SNX27: variants seen among roughly 807,000 people sequenced by gnomAD.
SNX27 encodes sorting nexin 27, also known as sorting nexin-27.
In SNX27, 22 loss-of-function variants were observed where a neutral mutation model predicts 71.6. The observed-to-expected ratio is 0.31, with a 90% CI of 0.22 to 0.44. The LOEUF (loss-of-function observed/expected upper bound fraction) is 0.44, where lower values mean the gene tolerates loss of function less well. Among genes scored for constraint, SNX27 ranks in the 20% least tolerant of loss-of-function variants. The pLI is 1.00. For synonymous variants in SNX27, 269 were observed against 277.2 expected, an observed-to-expected ratio of 0.97 and a Z score of 0.29; for missense variants, 531 against 698.6, an observed-to-expected ratio of 0.76 and a Z score of 2.70.
At chr1:151,687,933 C>A (rs951552681) in intron 8 of SNX27, among the ~76,000 whole-genome samples, 1 of 128,902 alleles carries the variant, frequency 7.8e-6, no homozygotes, top group Non-Finnish European at 1.5e-5. Context: ...GGCGACAGAG[C>A]GGAGTCTGTC....
At chr1:151,661,551 A>AT (rs1669965953) in intron 4 of SNX27, 1 of 152,308 alleles carries the variant, frequency 6.6e-6, no homozygotes, top group Non-Finnish European at 1.5e-5. Context: ...AAGGTCAAAA[A>AT]TTACAAGGTT....
At chr1:151,648,805 C>G (rs1669188969) in intron 2 of SNX27, among the ~76,000 whole-genome samples, 1 of 152,058 alleles carries the variant, frequency 6.6e-6, no homozygotes, top group East Asian at 1.9e-4. Flanking sequence ...GAAGAACTTG[C>G]ATTAATATTT....
rs1056614968 is a variant in SNX27 at position 151,698,964 on chromosome 1, C to T, written c.*4547C>T. 6.6e-6 allele frequency: 1 copy of T among 152,644 alleles called. No homozygotes were observed. Among genetic ancestry groups the T allele is most frequent in the Non-Finnish European group, 1.5e-5 (1 of 68,030 alleles). 9.5% of individuals were successfully genotyped at this position (152,644 alleles called of 1,614,324 possible). A position where few individuals can be genotyped will look rare whatever the true frequency, so the allele number is the denominator to read the frequency against. On this transcript the variant is annotated 3_prime_UTR_variant, in exon 12 of 12. Transcript: ENST00000458013. The stretch of plus-strand genomic sequence containing the variant: ...AATACACAGACACAATAATGGCTAA[C>T]ATTGTTTCTTTCATTCCTTGTTCTA...
intron 1 of SNX27, among the ~76,000 whole-genome samples, chr1:151,633,583 C>CA (rs1668342048): frequency 6.6e-6 from 1 of 152,098 alleles, no homozygotes; most frequent in South Asian, 2.1e-4. Context: ...ACAGGCGTGA[C>CA]ACGTAAGAAA....
chr1:151,665,189 T>C (rs1670138994), intron 5 of SNX27, among the ~76,000 whole-genome samples: 1 of 152,214 alleles, frequency 6.6e-6, no homozygotes, highest in Non-Finnish European at 1.5e-5. Context: ...TACCAGTTTA[T>C]GTTTTGTTGT....
chr1:151,634,958 CT>C (rs1364688643), intron 1 of SNX27, among the ~76,000 whole-genome samples: 2 of 152,170 alleles, frequency 1.3e-5, no homozygotes, highest in African/African-American at 4.8e-5. Context: ...GCAGTCAGTA[CT>C]TTTGTGTGAT....
At chr1:151,672,529 C>G (rs1046809157) in intron 7 of SNX27, among the ~76,000 whole-genome samples, 2 of 151,910 alleles carry the variant, frequency 1.3e-5, no homozygotes, top group Non-Finnish European at 1.5e-5. Context: ...GAAGTATTCC[C>G]TCCTCCTCTC....
At chr1:151,662,815 A>C (rs1359591067) in intron 5 of SNX27, 1 of 152,166 alleles carries the variant, frequency 6.6e-6, no homozygotes, top group Non-Finnish European at 1.5e-5. Flanking sequence ...AAAAAACCAT[A>C]ACACACATGA....
chr1:151,627,170 A>G (rs1206612963), intron 1 of SNX27, among the ~76,000 whole-genome samples: 1 of 152,184 alleles, frequency 6.6e-6, no homozygotes, highest in East Asian at 1.9e-4. Context: ...CTGATTCTTC[A>G]TCTCTACTGC....
chr1:151,649,655 T>C (rs956346095), intron 2 of SNX27, among the ~76,000 whole-genome samples: 3 of 152,222 alleles, frequency 2.0e-5, no homozygotes, highest in Non-Finnish European at 2.9e-5. Context: ...TTTTATTTTT[T>C]GGTCTTTTCT....
chr1:151,637,149 TC>T (rs34090135), intron 1 of SNX27, among the ~76,000 whole-genome samples: 28,523 of 145,390 alleles, frequency 0.2, 3,210 homozygotes, highest in Middle Eastern at 0.34. Context: ...TCAGAGTTGA[TC>T]ACGTTTTTTT....
At chr1:151,689,004 T>C (rs1252601782) in intron 8 of SNX27, among the ~76,000 whole-genome samples, 1 of 152,176 alleles carries the variant, frequency 6.6e-6, no homozygotes, top group African/African-American at 2.4e-5. Flanking sequence ...TAGTTTTCAC[T>C]TGGGTTATTT....
intron 1 of SNX27, among the ~76,000 whole-genome samples, chr1:151,626,184 A>AT (rs1396151180): frequency 6.6e-6 from 1 of 152,060 alleles, no homozygotes; most frequent in Non-Finnish European, 1.5e-5. Flanking sequence ...ATACTTAAAA[A>AT]AAGGTACCAA....
Position 151,695,300 on chromosome 1 carries a change from T to G in SNX27, c.*883T>G, listed in dbSNP as rs1370947042. 6.6e-6 allele frequency: 1 copy of G among 151,956 alleles called. No individual in the cohort carries two copies. Among genetic ancestry groups the G allele is most frequent in the Non-Finnish European group, 1.5e-5 (1 of 68,004 alleles). 9.4% of individuals were successfully genotyped at this position (151,956 alleles called of 1,614,324 possible). A position where few individuals can be genotyped will look rare whatever the true frequency, so the allele number is the denominator to read the frequency against. On this transcript the variant is annotated 3_prime_UTR_variant, in exon 12 of 12. Transcript: ENST00000458013. ...CCACATTCTGCACCTCCTTCCTGCT[T>G]TCCTAGAGCCTCGGTATGCTTTCCC...
intron 7 of SNX27, among the ~76,000 whole-genome samples, chr1:151,670,359 G>C (rs769769586): frequency 1.3e-5 from 2 of 152,200 alleles, no homozygotes; most frequent in Non-Finnish European, 2.9e-5. Flanking sequence ...GCAAACATGG[G>C]AATGTGGATA....
chr1:151,637,451 T>A (rs1178451930), intron 1 of SNX27, among the ~76,000 whole-genome samples: 2 of 152,196 alleles, frequency 1.3e-5, no homozygotes, highest in Non-Finnish European at 2.9e-5. Context: ...GTGCTGGGAT[T>A]ATAGGCTTGA....
intron 1 of SNX27, among the ~76,000 whole-genome samples, chr1:151,620,837 G>A (rs977361194): frequency 6.6e-6 from 1 of 151,892 alleles, no homozygotes; most frequent in Non-Finnish European, 1.5e-5. Flanking sequence ...TTACAGGTGT[G>A]CACCACCATG....
At chr1:151,663,746 A>G (rs1670065437) in intron 5 of SNX27, among the ~76,000 whole-genome samples, 3 of 152,184 alleles carry the variant, frequency 2.0e-5, no homozygotes, top group Non-Finnish European at 4.4e-5. Flanking sequence ...CAAGTACACA[A>G]TACTGGGTTA....
intron 6 of SNX27, among the ~76,000 whole-genome samples, chr1:151,667,821 C>T (rs1670275575): frequency 1.0e-5 from 1 of 99,440 alleles, no homozygotes; most frequent in Non-Finnish European, 2.1e-5. Context: ...AGCGAGACTC[C>T]GTCTCAAAAA....
Sources: allele counts gnomAD v4.1 joint callset (sites outside exome capture counted in the v4.1 genomes callset), GRCh38; gene constraint gnomAD v4.1.1; transcripts MANE v1.5; gene names NCBI Gene and HGNC (gene_info 2026-07-23, HGNC 2026-07-21).